ATXN7L1: variants seen among roughly 807,000 people sequenced by gnomAD.
ATXN7L1 encodes ataxin 7 like 1.
ATXN7L1 carries 15 observed loss-of-function variants against 70.8 expected under a neutral mutation model. That is an observed-to-expected ratio of 0.21 (90% CI 0.14 to 0.33). ATXN7L1 has a LOEUF of 0.33. ATXN7L1 is among the 10% of genes least tolerant of loss of function. ATXN7L1 has a pLI of 1.00. For missense variants in ATXN7L1, 975 were observed against 1,097.1 expected, an observed-to-expected ratio of 0.89 and a Z score of 1.57; for synonymous variants, 440 against 445.1, an observed-to-expected ratio of 0.99 and a Z score of 0.14.
intron 4 of ATXN7L1, among the ~76,000 whole-genome samples, chr7:105,651,034 T>G (rs1473805094): frequency 6.6e-6 from 1 of 152,198 alleles, no homozygotes; most frequent in East Asian, 1.9e-4. Context: ...GCTGGATGCA[T>G]TACGGTATCA....
intron 3 of ATXN7L1, among the ~76,000 whole-genome samples, chr7:105,769,718 G>T (rs567837067): frequency 6.6e-6 from 1 of 152,262 alleles, no homozygotes; most frequent in African/African-American, 2.4e-5. Context: ...GAGAAGACTG[G>T]TAGAAGGCAT....
rs112358794 is a variant in ATXN7L1, at chr7:105,685,044, GATAATAATAATA to G, written c.356-19768_356-19757del. Among the ~76,000 whole-genome samples the G allele has an allele frequency of 8.1e-3, 1,152 of 142,682 alleles. 13 individuals carry two copies. The highest frequency in any genetic ancestry group is 0.023 in the African/African-American group (885 of 38,384). 93.6% of individuals were successfully genotyped at this position (142,682 alleles called of 152,430 possible). A position where few individuals can be genotyped will look rare whatever the true frequency, so the allele number is the denominator to read the frequency against. ...ACTGCCTTTAGTACAGAGAAGAGAT[GATAATAATAATA>G]ATAATAATAATAATAATAATAATAA... On this transcript the variant is annotated intron_variant, in intron 3 of 11. Transcript: ENST00000419735.
intron 3 of ATXN7L1, among the ~76,000 whole-genome samples, chr7:105,785,247 C>T (rs1451983781): frequency 6.6e-6 from 1 of 152,218 alleles, no homozygotes; most frequent in Non-Finnish European, 1.5e-5. Flanking sequence ...AGGCAGATCA[C>T]CTGAGGTCAG....
chr7:105,876,027 C>T, intron 1 of ATXN7L1, 147 bp from the exon 2 acceptor site: 1 of 818,052 alleles, frequency 1.2e-6, no homozygotes, highest in Non-Finnish European at 1.9e-6. Flanking sequence ...GACAATGCAA[C>T]ATTTTCTCCC....
At chr7:105,812,769 G>T (rs528953201) in intron 2 of ATXN7L1, among the ~76,000 whole-genome samples, 3 of 152,224 alleles carry the variant, frequency 2.0e-5, no homozygotes, top group Non-Finnish European at 4.4e-5. Flanking sequence ...GGGAGGCTGA[G>T]ACGGGTGGGT....
chr7:105,698,538 A>T (rs1792034037), intron 3 of ATXN7L1, among the ~76,000 whole-genome samples: 1 of 151,828 alleles, frequency 6.6e-6, no homozygotes, highest in African/African-American at 2.4e-5. Flanking sequence ...CTAATTTTTT[A>T]TTTTTTGTAG....
At chr7:105,712,356 G>A (rs555076530) in intron 3 of ATXN7L1, among the ~76,000 whole-genome samples, 7 of 152,206 alleles carry the variant, frequency 4.6e-5, no homozygotes, top group African/African-American at 1.7e-4. Flanking sequence ...CAGCAGGCTT[G>A]AATTTCTCCC....
At chr7:105,768,231 T>C (rs758772432) in intron 3 of ATXN7L1, among the ~76,000 whole-genome samples, 2 of 152,206 alleles carry the variant, frequency 1.3e-5, no homozygotes, top group Non-Finnish European at 2.9e-5. Context: ...TGCCAAGGCA[T>C]TTTCAAATTT....
Position 105,642,929 on chromosome 7 carries a change from G to A in ATXN7L1, c.771C>T (p.Ile257=), listed in dbSNP as rs1326741909. 1 of 1,551,688 alleles carries A rather than the reference G, an allele frequency of 6.4e-7. No homozygotes were observed. Among genetic ancestry groups the A allele is most frequent in the Admixed American group, 2.0e-5 (1 of 50,988 alleles). The part of the protein sequence containing the change: ...SKSVPPSPEK[I]LNGKGILPTT... ...TTGGCAGAATTCCTTTGCCATTTAA[G>A]ATCTTCTCTGGTGAAGGTGGCACTG... is the stretch of plus-strand genomic sequence containing the variant. Residue 257 remains isoleucine (I), a synonymous_variant, in exon 5 of 12, where the codon ATC becomes ATT. Coordinates refer to ENST00000419735, the MANE Select transcript of ATXN7L1 (RefSeq NM_020725.2).
At chr7:105,830,828 G>A (rs1008178106) in intron 2 of ATXN7L1, among the ~76,000 whole-genome samples, 1 of 152,180 alleles carries the variant, frequency 6.6e-6, no homozygotes, top group African/African-American at 2.4e-5. Context: ...GCACTTCCTG[G>A]GACCCCAGCT....
chr7:105,741,303 C>A (rs1186519062), intron 3 of ATXN7L1, among the ~76,000 whole-genome samples: 1 of 152,138 alleles, frequency 6.6e-6, no homozygotes, highest in African/African-American at 2.4e-5. Context: ...TTCTCTCCTT[C>A]CCCCACTGAA....
intron 3 of ATXN7L1, among the ~76,000 whole-genome samples, chr7:105,667,559 C>T (rs200024582): frequency 1.5e-5 from 2 of 134,974 alleles, no homozygotes; most frequent in African/African-American, 2.6e-5. Context: ...ATTAGCCGGG[C>T]GTAGTGGCGG....
intron 3 of ATXN7L1, among the ~76,000 whole-genome samples, chr7:105,694,944 G>A (rs1463620202): frequency 6.6e-6 from 1 of 152,200 alleles, no homozygotes; most frequent in Non-Finnish European, 1.5e-5. Context: ...CTGAGGTCAG[G>A]AGTTCGAAAC....
chr7:105,710,997 T>C lies in ATXN7L1; in HGVS notation c.356-45709A>G, dbSNP rs572327747. ...GAGCCAAGCAAAGGGGGAACCCATA[T>C]AAAACCATCAGATCTCATGAGAATT... On this transcript the variant is annotated intron_variant, in intron 3 of 11. Coordinates refer to ENST00000419735, the MANE Select transcript of ATXN7L1 (RefSeq NM_020725.2). 2.6e-5 allele frequency among the ~76,000 whole-genome samples: 4 copies of C among 152,224 alleles called. No individual in the cohort carries two copies. In the South Asian group the frequency reaches 8.3e-4, roughly 32 times the overall value.
At chr7:105,773,035 A>G (rs1802224367) in intron 3 of ATXN7L1, among the ~76,000 whole-genome samples, 1 of 152,200 alleles carries the variant, frequency 6.6e-6, no homozygotes, top group South Asian at 2.1e-4. Flanking sequence ...CAAAAATAAA[A>G]CAATAGTAAG....
chr7:105,833,279 T>C (rs1272599421), intron 2 of ATXN7L1, among the ~76,000 whole-genome samples: 3 of 152,072 alleles, frequency 2.0e-5, no homozygotes, highest in African/African-American at 7.2e-5. Context: ...TCACTCACTA[T>C]CTCCCTGCTG....
chr7:105,874,985 T>C (rs1386255659), intron 2 of ATXN7L1: 2 of 152,300 alleles, frequency 1.3e-5, no homozygotes, highest in African/African-American at 4.8e-5. Flanking sequence ...AGACATCAGT[T>C]AGTGAATCAC....
At chr7:105,871,571 G>A (rs572572233) in intron 2 of ATXN7L1, among the ~76,000 whole-genome samples, 4 of 152,222 alleles carry the variant, frequency 2.6e-5, no homozygotes, top group African/African-American at 9.6e-5. Flanking sequence ...TTAGCCGGGC[G>A]TGGTGGCGCA....
intron 4 of ATXN7L1, 143 bp downstream of exon 4, chr7:105,664,923 G>A: frequency 1.2e-6 from 1 of 837,662 alleles, no homozygotes; most frequent in South Asian, 1.8e-5. Context: ...ATCATTTTGG[G>A]TTTCTGTCCT....
Sources: gnomAD v4.1 joint callset for allele counts (sites outside exome capture counted in the v4.1 genomes callset) on GRCh38, gnomAD v4.1.1 for gene constraint, MANE v1.5 for transcripts, NCBI Gene and HGNC (gene_info 2026-07-23, HGNC 2026-07-21) for gene names.